The following EXO1 variants were observed in gnomAD, a reference collection of about 807,000 sequenced individuals.
The protein encoded by EXO1 is exonuclease 1.
EXO1 carries 69 observed loss-of-function variants against 84.5 expected under a neutral mutation model. The observed-to-expected ratio is 0.82, with a 90% CI of 0.67 to 1.00. The LOEUF is 1.00. Among genes scored for constraint, EXO1 ranks in the 50% least tolerant of loss-of-function variants. The probability of loss-of-function intolerance (pLI) is 0.00; values close to 1 mark genes in which losing one functional copy is unlikely to be tolerated. For missense variants in EXO1, 1,045 were observed against 1,000.7 expected (o/e 1.04, Z -0.60); for synonymous variants, 373 against 366.1 (o/e 1.02, Z -0.21).
intron 14 of EXO1, among the ~76,000 whole-genome samples, chr1:241,882,941 T>G (rs1662858344): frequency 1.3e-5 from 2 of 152,194 alleles, no homozygotes; most frequent in African/African-American, 4.8e-5. Context: ...ATTCTAGAAC[T>G]TTAGCCTAAG....
chr1:241,857,884 A>G (rs561399294), intron 7 of EXO1, among the ~76,000 whole-genome samples: 30 of 152,320 alleles, frequency 2.0e-4, no homozygotes, highest in Non-Finnish European at 2.9e-4. Context: ...TAACTTATGT[A>G]CTAAAGGGTT....
intron 12 of EXO1, among the ~76,000 whole-genome samples, chr1:241,876,866 T>G (rs1400396814): frequency 2.0e-5 from 3 of 152,108 alleles, no homozygotes; most frequent in Admixed American, 6.5e-5. Context: ...ATTCTCACTC[T>G]GTCATCTTTT....
chr1:241,882,078 A>G, intron 14 of EXO1, 61 bp downstream of exon 14: 1 of 784,604 alleles, frequency 1.3e-6, no homozygotes, highest in South Asian at 1.5e-5. Flanking sequence ...ACAACTAGAA[A>G]ATGAGAAATA....
intron 14 of EXO1, among the ~76,000 whole-genome samples, 182 bp from the exon 15 acceptor site, chr1:241,885,132 G>A (rs796294363): frequency 4.0e-5 from 6 of 151,486 alleles, no homozygotes; most frequent in African/African-American, 1.2e-4. Flanking sequence ...GCGTCAACCC[G>A]GGAGGTGGAG....
At chr1:241,879,729 G>A (rs1662635008) in intron 13 of EXO1, among the ~76,000 whole-genome samples, 1 of 152,148 alleles carries the variant, frequency 6.6e-6, no homozygotes, top group Admixed American at 6.5e-5. Flanking sequence ...AAGGGGCCAG[G>A]TGCGATGGCT....
At chr1:241,871,939 A>G in intron 11 of EXO1, 93 bp from the exon 12 acceptor site, 1 of 534,722 alleles carries the variant, frequency 1.9e-6, no homozygotes, top group East Asian at 3.8e-5. Flanking sequence ...TAAAGTCCTT[A>G]TTTTTAGGAC....
At chr1:241,860,832 CTG>C in intron 9 of EXO1, 128 bp downstream of exon 9, 1 of 762,988 alleles carries the variant, frequency 1.3e-6, no homozygotes, top group East Asian at 2.6e-5. Context: ...ATAGTGAAAT[CTG>C]TATATTGTTC....
chr1:241,850,326 C>T, intron 3 of EXO1, 83 bp from the exon 4 acceptor site: 2 of 991,844 alleles, frequency 2.0e-6, no homozygotes, highest in Non-Finnish European at 1.6e-6. Flanking sequence ...GGACTCCAAG[C>T]TTTCTCTTCA....
chr1:241,861,915 T>G (rs976319316), intron 10 of EXO1, among the ~76,000 whole-genome samples: 2 of 146,416 alleles, frequency 1.4e-5, no homozygotes, highest in Non-Finnish European at 3.0e-5. Context: ...CCCCTGCTGT[T>G]TCTTTAAACA....
In EXO1 at chr1:241,853,438, G is replaced by T; in HGVS notation, c.362G>T (p.Arg121Leu). ...TCGGAAGCTCGAGAGTGTTTCACCC[G>T]GTCTATCAATATCACACATGCCATG... ...KVSEARECFTRSINITHAMAH... is the reference protein window; with the variant it reads ...KVSEARECFTLSINITHAMAH... The change falls in exon 6 of 16, where the codon CGG (arginine) becomes CTG (leucine). Residue 121 changes from arginine (R) to leucine (L), a missense_variant. Physicochemically the swap from Arg to Leu is moderately radical, Grantham distance 102 (BLOSUM62 -2). Coordinates refer to ENST00000366548, the MANE Select transcript of EXO1 (RefSeq NM_130398.4). The T allele has an allele frequency of 1.2e-6, 2 of 1,613,884 alleles. No individual in the cohort carries two copies. The highest frequency in any genetic ancestry group is 1.7e-6 in the Non-Finnish European group (2 of 1,179,926).
chr1:241,850,656 C>A lies in EXO1; in HGVS notation c.161+70C>A, dbSNP rs114262005. On this transcript the variant is annotated intron_variant, in intron 4 of 15. Transcript: ENST00000366548. ...ACCTACAGTGCCTTTTTTTCTCCCC[C>A]AGAAACGGATTGTTTTCACTCAATG... 845 of 1,282,858 alleles carry A rather than the reference C, an allele frequency of 6.6e-4. 4 individuals are homozygous for A. The African/African-American group carries it at 0.011, about 16-fold the overall frequency. The allele number at this position is 1,282,858 out of a possible 1,614,324, so 79.5% of individuals were successfully genotyped here.
In EXO1 at chr1:241,848,784, C is replaced by G. The variant is rs1218505598; in HGVS notation, c.-366C>G. The G allele has an allele frequency of 1.3e-5, 2 of 152,196 alleles. No individual in the cohort carries two copies. The highest frequency in any genetic ancestry group is 2.9e-5 in the Non-Finnish European group (2 of 68,050). The allele number at this position is 152,196 out of a possible 1,614,324, so 9.4% of individuals were successfully genotyped here. A position where few individuals can be genotyped will look rare whatever the true frequency, so the allele number is the denominator to read the frequency against. On this transcript the variant is annotated 5_prime_UTR_variant, in exon 2 of 16. Coordinates refer to ENST00000366548, the MANE Select transcript of EXO1 (RefSeq NM_130398.4). The surrounding 1 kb of genome is among the most constrained non-coding windows in gnomAD (Gnocchi z 4.2). ...GCTTGGGGGCCACGCCTGCACATCT[C>G]CGCGAGACAGAGGGATAAAGTGAAG... is the stretch of plus-strand genomic sequence containing the variant.
At chr1:241,887,370 T>C (rs1247804815) in intron 15 of EXO1, among the ~76,000 whole-genome samples, 1 of 152,204 alleles carries the variant, frequency 6.6e-6, no homozygotes, top group Non-Finnish European at 1.5e-5. Context: ...TTTTAATGCA[T>C]CTTTTACATG....
At chr1:241,886,245 T>C (rs1330280132) in intron 15 of EXO1, among the ~76,000 whole-genome samples, 2 of 152,254 alleles carry the variant, frequency 1.3e-5, no homozygotes, top group Non-Finnish European at 2.9e-5. Context: ...ATTGAGTTTA[T>C]ATGATGAATT....
Position 241,860,512 on chromosome 1 carries a change from G to C in EXO1, c.757-5G>C, listed in dbSNP as rs1661320558. The C allele has an allele frequency of 1.2e-6, 2 of 1,607,078 alleles. No homozygotes were observed. Among genetic ancestry groups the C allele is most frequent in the Admixed American group, 1.7e-5 (1 of 59,978 alleles). On this transcript the variant is annotated splice_polypyrimidine_tract_variant and splice_region_variant and intron_variant, in intron 8 of 15. Transcript: ENST00000366548. ...CAGATAAAATATTTTTGCATGCATT[G>C]TTAGGTTATCAAGAAAATTGGACAT...
At chr1:241,865,591 C>G (rs1227737873) in intron 10 of EXO1, among the ~76,000 whole-genome samples, 1 of 152,130 alleles carries the variant, frequency 6.6e-6, no homozygotes, top group African/African-American at 2.4e-5. Context: ...GAGTATGTCC[C>G]ATTACCAATT....
Position 241,878,892 on chromosome 1 carries a change from C to T in EXO1, c.1658C>T (p.Thr553Ile). Residue 553 changes from threonine to isoleucine, a missense_variant, in exon 13 of 16, where the codon ACA becomes ATA. Transcript: ENST00000366548. Reference sequence around the variant, plus strand: ...CAAGAAGGCAAGAGACTGGTTGACACAGATGTAGCACGTAATTCAAGTGAT... The same window carrying T: ...CAAGAAGGCAAGAGACTGGTTGACATAGATGTAGCACGTAATTCAAGTGAT... ...GDQEGKRLVD[T>I]DVARNSSDDI... 4 of 1,614,124 alleles carry T rather than the reference C, an allele frequency of 2.5e-6. No individual in the cohort carries two copies. In the East Asian group the frequency reaches 6.7e-5, roughly 27 times the overall value.
At chr1:241,867,977 G>C (rs895942584) in intron 11 of EXO1, among the ~76,000 whole-genome samples, 5 of 150,398 alleles carry the variant, frequency 3.3e-5, no homozygotes, top group Middle Eastern at 3.5e-3. Context: ...ATGGTGGTTT[G>C]CACCTACAAC....
At chr1:241,878,723 ATTG>A in intron 12 of EXO1, 23 bp from the exon 13 acceptor site, 1 of 1,418,320 alleles carries the variant, frequency 7.1e-7, no homozygotes, top group Non-Finnish European at 9.9e-7. Context: ...ATACTTACTT[ATTG>A]TTTCTATTGC....
Sources: allele counts gnomAD v4.1 joint callset (sites outside exome capture counted in the v4.1 genomes callset), GRCh38; gene constraint gnomAD v4.1.1; non-coding constraint Gnocchi (gnomAD v3.1); transcripts MANE v1.5; gene names NCBI Gene and HGNC (gene_info 2026-07-23, HGNC 2026-07-21).